Variants in GNPTAB observed in about 807,000 individuals in gnomAD.
GNPTAB encodes the protein N-acetylglucosamine-1-phosphotransferase subunits alpha/beta.
Under a neutral mutation model 136.6 loss-of-function variants are expected in GNPTAB, and 92 were observed. The ratio of observed to expected loss-of-function variants is 0.67; its 90% CI spans 0.57 to 0.80. The LOEUF is 0.80. Ranked by LOEUF, GNPTAB falls within the 30% of genes least tolerant of loss-of-function variation. The pLI is 0.00. For missense variants in GNPTAB, 1,343 were observed against 1,501.8 expected (o/e 0.89, Z 1.75); for synonymous variants, 512 against 535.1 (o/e 0.96, Z 0.60).
At chr12:101,753,637 TG>T in intron 18 of GNPTAB, 98 bp from the exon 19 acceptor site, 1 of 984,086 alleles carries the variant, frequency 1.0e-6, no homozygotes, top group Non-Finnish European at 1.6e-6. Flanking sequence ...AATGGACTTA[TG>T]TCCCAAGTTG....
At chr12:101,747,590 T>C (rs998961534) in intron 20 of GNPTAB, among the ~76,000 whole-genome samples, 4 of 43,856 alleles carry the variant, frequency 9.1e-5, no homozygotes, top group Non-Finnish European at 1.6e-4. Flanking sequence ...AGTCTTTCTA[T>C]TGAAGGAAAC....
At chr12:101,755,476 G>A (rs1181692733) in intron 18 of GNPTAB, among the ~76,000 whole-genome samples, 2 of 152,168 alleles carry the variant, frequency 1.3e-5, no homozygotes, top group Non-Finnish European at 2.9e-5. Context: ...GCTATGAAGG[G>A]CATTTGGAGG....
chr12:101,793,422 A>G (rs957995789), intron 2 of GNPTAB, among the ~76,000 whole-genome samples: 7 of 152,080 alleles, frequency 4.6e-5, no homozygotes, highest in Non-Finnish European at 1.5e-5. Context: ...TATTTTTAAT[A>G]TATCATTTAT....
At chr12:101,760,281 A>C (rs917056443) in intron 15 of GNPTAB, 138 bp from the exon 16 acceptor site, 2 of 657,196 alleles carry the variant, frequency 3.0e-6, no homozygotes, top group Admixed American at 2.4e-5. Context: ...ATGATTCTTA[A>C]GATAAAGGCA....
intron 18 of GNPTAB, chr12:101,756,435 T>TGCA (rs1566068642): frequency 2.6e-6 from 1 of 381,130 alleles, no homozygotes; most frequent in Non-Finnish European, 5.1e-6. Context: ...TTTAGCTGGG[T>TGCA]GCAGCAGCTC....
chr12:101,808,275 A>G (rs1870036393), intron 1 of GNPTAB, among the ~76,000 whole-genome samples: 1 of 151,594 alleles, frequency 6.6e-6, no homozygotes, highest in African/African-American at 2.4e-5. Context: ...CTAAAGTTAC[A>G]TGGCTGGGCA....
intron 7 of GNPTAB, among the ~76,000 whole-genome samples, chr12:101,775,904 G>T (rs1156610316): frequency 6.6e-6 from 1 of 152,096 alleles, no homozygotes; most frequent in Non-Finnish European, 1.5e-5. Flanking sequence ...GTCCATGCAG[G>T]ACAATATGCT....
At chr12:101,774,465 AC>A (rs1433861797) in intron 7 of GNPTAB, among the ~76,000 whole-genome samples, 3 of 152,222 alleles carry the variant, frequency 2.0e-5, no homozygotes, top group Non-Finnish European at 4.4e-5. Flanking sequence ...TATAATATGA[AC>A]ATATGTAAGT....
chr12:101,824,432 A>ATTTTTTTTT (rs1555276244), intron 1 of GNPTAB, among the ~76,000 whole-genome samples: 1 of 50,886 alleles, frequency 2.0e-5, no homozygotes, highest in Admixed American at 2.3e-4. Context: ...ATATATATAT[A>ATTTTTTTTT]TTTTCTTTTT....
Position 101,786,070 on chromosome 12 carries a change from T to C in GNPTAB, c.513A>G (p.Ala171=), listed in dbSNP as rs371813268. ...CATTGGTAGAAGGGTTTTTTGGTTT[T>C]GCAACATTGAAAATGTCACTGGCAG... ...FHSASDIFNV[A]KPKNPSTNVS... is the part of the protein sequence containing the mutation. The change falls in exon 5 of 21, where the codon GCA becomes GCG. Residue 171 remains alanine, a synonymous_variant. Coordinates refer to ENST00000299314, the MANE Select transcript of GNPTAB (RefSeq NM_024312.5). The C allele has an allele frequency of 2.0e-4, 327 of 1,614,186 alleles. 4 individuals are homozygous for C. In the South Asian group the frequency reaches 3.3e-3, roughly 16 times the overall value.
intron 20 of GNPTAB, 110 bp downstream of exon 20, chr12:101,748,988 CAAT>C: frequency 1.4e-6 from 1 of 720,616 alleles, no homozygotes; most frequent in Non-Finnish European, 2.5e-6. Flanking sequence ...AGCTATAAGA[CAAT>C]AAGAGAAGTT....
intron 5 of GNPTAB, among the ~76,000 whole-genome samples, chr12:101,784,466 T>C (rs1868516516): frequency 6.6e-6 from 1 of 152,182 alleles, no homozygotes; most frequent in Admixed American, 6.6e-5. Context: ...TTTGTATCCA[T>C]GTGAAAAGCA....
chr12:101,826,182 T>C (rs1001943217), intron 1 of GNPTAB, among the ~76,000 whole-genome samples: 1 of 152,158 alleles, frequency 6.6e-6, no homozygotes, highest in Non-Finnish European at 1.5e-5. Context: ...TGATTCAAAA[T>C]GGCAACAGAA....
Position 101,786,071 on chromosome 12 carries a change from G to A in GNPTAB, c.512C>T (p.Ala171Val), listed in dbSNP as rs746860631. The A allele has an allele frequency of 8.7e-6, 14 of 1,613,726 alleles. No individual in the cohort carries two copies. The Admixed American group carries it at 1.2e-4, about 13-fold the overall frequency. Residue 171 changes from alanine to valine, a missense_variant, in exon 5 of 21, where the codon GCA becomes GTA. Ala to Val is a moderately conservative substitution (Grantham distance 64). Transcript: ENST00000299314. The part of the protein sequence containing the change: ...FHSASDIFNV[A>V]KPKNPSTNVS... ...ATTGGTAGAAGGGTTTTTTGGTTTT[G>A]CAACATTGAAAATGTCACTGGCAGA...
chr12:101,794,403 C>G (rs1869163015), intron 2 of GNPTAB, among the ~76,000 whole-genome samples: 1 of 151,998 alleles, frequency 6.6e-6, no homozygotes, highest in South Asian at 2.1e-4. Flanking sequence ...AATCTTAACA[C>G]TTTGGGAGGC....
At chr12:101,803,418 C>T (rs10860789) in intron 1 of GNPTAB, among the ~76,000 whole-genome samples, 10,226 of 152,198 alleles carry the variant, frequency 0.067, 429 homozygotes, top group East Asian at 0.12. Flanking sequence ...TTAAAGACAC[C>T]CATTTTCCTG....
In GNPTAB at chr12:101,816,145, G is replaced by A. The variant is rs190385342; in HGVS notation, c.117+14414C>T. ...GAAAATCATCTGGGCAGAGACTTAC[G>A]GAGTAAGACCTAAAGAGAATACACA... is the stretch of plus-strand genomic sequence containing the variant. On this transcript the variant is annotated intron_variant, in intron 1 of 20. Coordinates refer to ENST00000299314, the MANE Select transcript of GNPTAB (RefSeq NM_024312.5). 1.2e-3 allele frequency among the ~76,000 whole-genome samples: 190 copies of A among 152,156 alleles called. 2 individuals are homozygous for A. Among genetic ancestry groups the A allele is most frequent in the African/African-American group, 4.2e-3 (176 of 41,500 alleles).
At position 101,768,117 on chromosome 12, in the gene GNPTAB, G is replaced by A; in HGVS notation, c.1328C>T (p.Pro443Leu). ...ATAGCCATCCTTAATCCAGGAACCT[G>A]GGCAGCCCTCGGCACAGTTTGGCAC... is the stretch of plus-strand genomic sequence containing the variant. ...WPVPNCAEGC[P>L]GSWIKDGYCD... is the part of the protein sequence containing the mutation. The change falls in exon 11 of 21, where the codon CCA becomes CTA. Residue 443 changes from proline to leucine, a missense_variant. Pro to Leu is a moderately conservative substitution (Grantham distance 98). Transcript: ENST00000299314. The A allele has an allele frequency of 6.2e-7, 1 of 1,614,026 alleles. No individual in the cohort carries two copies. The highest frequency in any genetic ancestry group is 1.1e-5 in the South Asian group (1 of 91,078).
chr12:101,773,032 C>T lies in GNPTAB; in HGVS notation c.772-1875G>A, dbSNP rs79282700. The T allele has an allele frequency of 3.1e-3, 513 of 166,752 alleles. 3 individuals carry two copies. Among genetic ancestry groups the T allele is most frequent in the African/African-American group, 0.011 (471 of 41,694 alleles). The allele number at this position is 166,752 out of a possible 1,614,324, so 10.3% of individuals were successfully genotyped here. A position where few individuals can be genotyped will look rare whatever the true frequency, so the allele number is the denominator to read the frequency against. On this transcript the variant is annotated intron_variant, in intron 7 of 20. Coordinates refer to ENST00000299314, the MANE Select transcript of GNPTAB (RefSeq NM_024312.5). ...GCAGGATTTCATCACATTGGCCAGGCTGGTCTCCTGACATACAATCTGCCC... is the reference window on the plus strand; with the variant it reads ...GCAGGATTTCATCACATTGGCCAGGTTGGTCTCCTGACATACAATCTGCCC...
Sources: allele counts gnomAD v4.1 joint callset (sites outside exome capture counted in the v4.1 genomes callset), GRCh38; gene constraint gnomAD v4.1.1; transcripts MANE v1.5; gene names NCBI Gene and HGNC (gene_info 2026-07-23, HGNC 2026-07-21).